The following PCDHA5 variants were observed in gnomAD, a reference collection of about 807,000 sequenced individuals.
PCDHA5 encodes protocadherin alpha-5.
PCDHA5 carries 43 observed loss-of-function variants against 61.6 expected under a neutral mutation model. The observed-to-expected ratio is 0.70, with a 90% CI of 0.55 to 0.90. PCDHA5 has a LOEUF of 0.90. Ranked by LOEUF, PCDHA5 falls within the 40% of genes least tolerant of loss-of-function variation. PCDHA5 has a pLI of 0.00. For missense variants in PCDHA5, 1,298 were observed against 1,222.7 expected (o/e 1.06, Z -0.92); for synonymous variants, 627 against 543.9 (o/e 1.15, Z -2.13).
intron 1 of PCDHA5, among the ~76,000 whole-genome samples, chr5:140,908,608 G>T (rs1350424326): frequency 6.6e-6 from 1 of 152,182 alleles, no homozygotes; most frequent in African/African-American, 2.4e-5. Flanking sequence ...GAAGGGCCTT[G>T]CTCCAAAATC....
At chr5:141,006,328 C>CA (rs1258327155) in intron 3 of PCDHA5, among the ~76,000 whole-genome samples, 12 of 152,060 alleles carry the variant, frequency 7.9e-5, no homozygotes, top group Non-Finnish European at 1.6e-4. Flanking sequence ...TCTCCTGCCT[C>CA]AGCCTCCTGA....
intron 1 of PCDHA5, chr5:140,927,565 G>A: frequency 6.2e-7 from 1 of 1,614,186 alleles, no homozygotes; most frequent in Non-Finnish European, 8.5e-7. Context: ...CATTGTGGTG[G>A]ACACAAATGA....
At chr5:140,938,507 C>T (rs2092094259) in intron 1 of PCDHA5, among the ~76,000 whole-genome samples, 1 of 151,846 alleles carries the variant, frequency 6.6e-6, no homozygotes, top group Admixed American at 6.6e-5. Flanking sequence ...GAATTTATCA[C>T]ATATTTTCTG....
chr5:140,862,415 G>T (rs1382532896), intron 1 of PCDHA5: 12 of 348,784 alleles, frequency 3.4e-5, no homozygotes, highest in Admixed American at 1.9e-4. Context: ...TTCAAAAGGC[G>T]CTGCCCAGAA....
chr5:140,992,460 G>T (rs1554252924), intron 3 of PCDHA5, among the ~76,000 whole-genome samples: 1 of 152,170 alleles, frequency 6.6e-6, no homozygotes, highest in African/African-American at 2.4e-5. Context: ...GCAGAGGACA[G>T]TACTCTTTAG....
intron 1 of PCDHA5, among the ~76,000 whole-genome samples, chr5:140,886,331 G>A (rs910332577): frequency 6.6e-6 from 1 of 151,936 alleles, no homozygotes; most frequent in Admixed American, 6.6e-5. Flanking sequence ...TGGGATACAT[G>A]TGCAGAACGT....
chr5:141,002,080 C>A (rs1220737696), intron 3 of PCDHA5, among the ~76,000 whole-genome samples: 1 of 152,236 alleles, frequency 6.6e-6, no homozygotes, highest in Non-Finnish European at 1.5e-5. Context: ...CGCCAAAGAA[C>A]GAGCAGTCCA....
intron 1 of PCDHA5, chr5:140,859,239 A>G (rs1025873150): frequency 1.3e-5 from 2 of 152,746 alleles, no homozygotes; most frequent in Admixed American, 1.3e-4. Flanking sequence ...AGTCATGCTT[A>G]TGTTTAATAA....
chr5:140,885,561 T>G (rs1378492280), intron 1 of PCDHA5, among the ~76,000 whole-genome samples: 2 of 152,192 alleles, frequency 1.3e-5, no homozygotes, highest in African/African-American at 4.8e-5. Context: ...TCTACGAAAT[T>G]GATTGTCAGA....
intron 1 of PCDHA5, among the ~76,000 whole-genome samples, chr5:140,925,210 C>T (rs1319343041): frequency 2.0e-5 from 3 of 152,122 alleles, no homozygotes; most frequent in African/African-American, 7.2e-5. Context: ...ATTATCGATA[C>T]TTTTAGGCAG....
At position 140,823,147 on chromosome 5, in the gene PCDHA5, C is replaced by G. The variant is rs144629482; in HGVS notation, c.1372C>G (p.Gln458Glu). 35 of 1,613,884 alleles carry G rather than the reference C, an allele frequency of 2.2e-5. No homozygotes were observed. The Admixed American group carries it at 3.8e-4, about 18-fold the overall frequency. The change falls in exon 1 of 4, where the codon CAG becomes GAG. Residue 458 changes from glutamine to glutamate, a missense_variant. By Grantham distance (29) the Gln-to-Glu change is conservative (BLOSUM62 2). Transcript: ENST00000529859. Reference sequence around the variant, plus strand: ...CAACGCTCCGGCGTTCGCGCAGCCCCAGTATACCGTGTTCGTGAAGGAGAA... The same window carrying G: ...CAACGCTCCGGCGTTCGCGCAGCCCGAGTATACCGTGTTCGTGAAGGAGAA... ...NDNAPAFAQP[Q>E]YTVFVKENNP...
chr5:140,864,705 G>T (rs1321181111), intron 1 of PCDHA5: 1 of 152,172 alleles, frequency 6.6e-6, no homozygotes, highest in Admixed American at 6.5e-5. Flanking sequence ...AAGTTGTTGA[G>T]CTCTTCTACT....
intron 1 of PCDHA5, among the ~76,000 whole-genome samples, chr5:140,908,560 C>T (rs1562965261): frequency 6.6e-6 from 1 of 152,198 alleles, no homozygotes; most frequent in Non-Finnish European, 1.5e-5. Context: ...AGGCCAAGAG[C>T]TGTCTCTCAA....
chr5:140,871,527 G>A (rs537927360), intron 1 of PCDHA5: 3 of 1,531,844 alleles, frequency 2.0e-6, no homozygotes, highest in African/African-American at 2.8e-5. Context: ...CTATCAGGAA[G>A]TGTATGTGAA....
chr5:140,840,467 A>G (rs1269068872), intron 1 of PCDHA5, among the ~76,000 whole-genome samples: 8 of 152,088 alleles, frequency 5.3e-5, no homozygotes, highest in East Asian at 1.9e-4. Flanking sequence ...AAAGTTGGGG[A>G]AAAAAGTTTA....
rs2153793513 is a variant in PCDHA5, at chr5:140,972,346, C to T, written c.2353-6603C>T. Among the ~76,000 whole-genome samples, 6 of 151,468 alleles carry T rather than the reference C, an allele frequency of 4.0e-5. No homozygotes were observed. In the Middle Eastern group the frequency reaches 0.014, roughly 346 times the overall value. The stretch of plus-strand genomic sequence containing the variant: ...TTTTTTTTGGAAGAGATGGGGGTCT[C>T]ACTATGTTGCACATGCTGTTAGTAT... On this transcript the variant is annotated intron_variant, in intron 1 of 3. Transcript: ENST00000529859.
intron 2 of PCDHA5, 130 bp from the exon 3 acceptor site, chr5:140,982,345 A>G: frequency 6.8e-7 from 1 of 1,471,098 alleles, no homozygotes; most frequent in Non-Finnish European, 9.1e-7. Context: ...TAATTGCTTC[A>G]GTTCAAGCAT....
At chr5:140,830,990 A>G (rs1771317150) in intron 1 of PCDHA5, 1 of 152,262 alleles carries the variant, frequency 6.6e-6, no homozygotes, top group Non-Finnish European at 1.5e-5. Context: ...TCTGATCATC[A>G]TAGTTTTTAT....
rs2150167979 is a variant in PCDHA5 at position 140,829,443 on chromosome 5, A to G, written c.2352+5316A>G. On this transcript the variant is annotated intron_variant, in intron 1 of 3. Coordinates refer to ENST00000529859, the MANE Select transcript of PCDHA5 (RefSeq NM_018908.3). Reference sequence around the variant, plus strand: ...GTGGAGGTGGCCGACATGAATGACAATGCTCCGGCGTTCGCGCAGCCCGAG... The same window carrying G: ...GTGGAGGTGGCCGACATGAATGACAGTGCTCCGGCGTTCGCGCAGCCCGAG... 6 of 1,613,850 alleles carry G rather than the reference A, an allele frequency of 3.7e-6. No homozygotes were observed. Among genetic ancestry groups the G allele is most frequent in the Non-Finnish European group, 5.1e-6 (6 of 1,180,044 alleles).
Sources: allele counts gnomAD v4.1 joint callset (sites outside exome capture counted in the v4.1 genomes callset), GRCh38; gene constraint gnomAD v4.1.1; transcripts MANE v1.5; gene names NCBI Gene and HGNC (gene_info 2026-07-23, HGNC 2026-07-21).